The following RANBP2 variants were observed in gnomAD, a reference collection of about 807,000 sequenced individuals.
The protein encoded by RANBP2 is RAN binding protein 2, also known as E3 SUMO-protein ligase RanBP2.
A neutral mutation model predicts 303.6 loss-of-function variants in RANBP2; 57 were observed. The ratio of observed to expected loss-of-function variants is 0.19; its 90% confidence interval spans 0.15 to 0.23. RANBP2 has a LOEUF of 0.23. RANBP2 is among the 10% of genes least tolerant of loss of function. The pLI, the probability that RANBP2 is intolerant of heterozygous loss-of-function variation, is 1.00. For synonymous variants in RANBP2, 1,167 were observed against 1,301.5 expected (o/e 0.90, Z 2.23); for missense variants, 3,138 against 3,780.8 (o/e 0.83, Z 4.46).
the RANBP2 span, among the ~76,000 whole-genome samples, chr2:109,532,597 C>T: frequency 6.6e-6 from 1 of 152,114 alleles, no homozygotes; most frequent in Non-Finnish European, 1.5e-5. Context: ...CTCAGGTGAA[C>T]TCAATGTGTC....
chr2:108,739,273 C>T lies in RANBP2; in HGVS notation c.783-1216C>T, dbSNP rs533908001. Reference sequence around the variant, plus strand: ...AAAAAATTAGCCGGGTATGTTGGCACGCACTTACAGTCCCAGCTGCTCGGG... The same window carrying T: ...AAAAAATTAGCCGGGTATGTTGGCATGCACTTACAGTCCCAGCTGCTCGGG... On this transcript the variant is annotated intron_variant, in intron 6 of 28. Transcript: ENST00000283195. Among the ~76,000 whole-genome samples the T allele has an allele frequency of 3.3e-5, 5 of 152,090 alleles. No homozygotes were observed. The South Asian group carries it at 1.0e-3, about 32-fold the overall frequency.
chr2:108,778,399 A>G (rs1037790158), intron 25 of RANBP2, among the ~76,000 whole-genome samples: 1 of 152,204 alleles, frequency 6.6e-6, no homozygotes, highest in African/African-American at 2.4e-5. Context: ...CCTTGCAGTC[A>G]GTTTTGTTTG....
chr2:109,012,730 C>A, the RANBP2 span, among the ~76,000 whole-genome samples: 1 of 152,112 alleles, frequency 6.6e-6, no homozygotes, highest in Non-Finnish European at 1.5e-5. Context: ...CTGGCCAACA[C>A]GGTGAAACCC....
chr2:109,074,663 A>G, the RANBP2 span, among the ~76,000 whole-genome samples: 1 of 150,126 alleles, frequency 6.7e-6, no homozygotes, highest in Non-Finnish European at 1.5e-5. Flanking sequence ...TCACACCGCT[A>G]GACTCCAGGC....
At chr2:109,203,949 A>G in the RANBP2 span, among the ~76,000 whole-genome samples, 1 of 152,186 alleles carries the variant, frequency 6.6e-6, no homozygotes, top group Non-Finnish European at 1.5e-5. Flanking sequence ...CTCCCAGCAG[A>G]GCATCTGCAC....
chr2:108,731,598 T>C, intron 4 of RANBP2, 124 bp downstream of exon 4: 3 of 1,552,458 alleles, frequency 1.9e-6, no homozygotes, highest in Non-Finnish European at 2.6e-6. Flanking sequence ...AAAAATTTTC[T>C]TTTAAAAAGT....
At chr2:108,969,517 GC>G in the RANBP2 span, among the ~76,000 whole-genome samples, 1 of 152,338 alleles carries the variant, frequency 6.6e-6, no homozygotes, top group African/African-American at 2.4e-5. Context: ...GAGGATGTTG[GC>G]ATGAAGCAGA....
At chr2:109,326,498 C>T in the RANBP2 span, among the ~76,000 whole-genome samples, 3 of 152,172 alleles carry the variant, frequency 2.0e-5, no homozygotes, top group East Asian at 1.9e-4. Context: ...TGCGCCCTTG[C>T]CGACACTTGC....
chr2:109,252,183 G>GGT, the RANBP2 span, among the ~76,000 whole-genome samples: 1 of 151,950 alleles, frequency 6.6e-6, no homozygotes, highest in Non-Finnish European at 1.5e-5. Flanking sequence ...GGGAGGCAGA[G>GGT]GTTGCAGTGA....
the RANBP2 span, among the ~76,000 whole-genome samples, chr2:108,981,889 A>G: frequency 3.6e-4 from 55 of 152,348 alleles, no homozygotes; most frequent in East Asian, 9.8e-3. Flanking sequence ...TTAAGACGGA[A>G]ACGCTAAGGA....
chr2:109,204,307 A>T, the RANBP2 span, among the ~76,000 whole-genome samples: 1 of 152,208 alleles, frequency 6.6e-6, no homozygotes, highest in Non-Finnish European at 1.5e-5. Context: ...CTGCAGAATA[A>T]GGGCACTCTT....
the RANBP2 span, chr2:109,564,475 T>C: frequency 2.0e-5 from 31 of 1,585,716 alleles, no homozygotes; most frequent in Non-Finnish European, 2.7e-5. Flanking sequence ...AGGTCCTCCA[T>C]ATTTGTACAA....
the RANBP2 span, among the ~76,000 whole-genome samples, chr2:109,055,007 A>C: frequency 1.3e-5 from 2 of 152,220 alleles, no homozygotes; most frequent in Non-Finnish European, 2.9e-5. Flanking sequence ...CTGTTCATCC[A>C]TTGATGAAAT....
intron 17 of RANBP2, among the ~76,000 whole-genome samples, chr2:108,757,071 C>A (rs1573788739): frequency 1.3e-5 from 2 of 152,178 alleles, no homozygotes; most frequent in East Asian, 3.8e-4. Flanking sequence ...AAAAAGAAAG[C>A]AGACATGCTA....
the RANBP2 span, among the ~76,000 whole-genome samples, chr2:109,491,678 G>A: frequency 6.6e-6 from 1 of 152,176 alleles, no homozygotes; most frequent in African/African-American, 2.4e-5. Flanking sequence ...GGGCTCTCAG[G>A]TAAAAGCTGG....
At chr2:109,173,303 C>A in the RANBP2 span, among the ~76,000 whole-genome samples, 1 of 152,112 alleles carries the variant, frequency 6.6e-6, no homozygotes, top group Non-Finnish European at 1.5e-5. Flanking sequence ...CCTGCACTTG[C>A]GTTTTCTCCT....
the RANBP2 span, among the ~76,000 whole-genome samples, chr2:108,824,383 C>T: frequency 6.6e-6 from 1 of 151,906 alleles, no homozygotes; most frequent in South Asian, 2.1e-4. Context: ...ACTTTCTCGA[C>T]TATTCTGTTA....
chr2:108,771,592 T>A, intron 20 of RANBP2, 109 bp from the exon 21 acceptor site: 2 of 1,535,488 alleles, frequency 1.3e-6, no homozygotes, highest in Non-Finnish European at 1.7e-6. Context: ...TTTTTATCAG[T>A]ATGCTGTTTT....
chr2:108,991,871 A>T, the RANBP2 span, among the ~76,000 whole-genome samples: 2 of 152,176 alleles, frequency 1.3e-5, no homozygotes, highest in African/African-American at 4.8e-5. Context: ...CAGTAGCGTG[A>T]TCTTGGCCCA....
Sources: allele counts gnomAD v4.1 joint callset (sites outside exome capture counted in the v4.1 genomes callset), GRCh38; gene constraint gnomAD v4.1.1; transcripts MANE v1.5; gene names NCBI Gene and HGNC (gene_info 2026-07-23, HGNC 2026-07-21).